PCDH15: variants seen among roughly 807,000 people sequenced by gnomAD.
PCDH15 encodes the protein protocadherin-15.
Under a neutral mutation model 178.5 loss-of-function variants are expected in PCDH15, and 129 were observed. The observed-to-expected ratio is 0.72, with a 90% confidence interval of 0.63 to 0.84. The LOEUF (loss-of-function observed/expected upper bound fraction) is 0.84, where lower values mean the gene tolerates loss of function less well. Among genes scored for constraint, PCDH15 ranks in the 40% least tolerant of loss-of-function variants. The pLI, the probability that PCDH15 is intolerant of heterozygous loss-of-function variation, is 0.00. For missense variants in PCDH15, 2,230 were observed against 2,099.9 expected (o/e 1.06, Z -1.21); for synonymous variants, 800 against 732.0 (o/e 1.09, Z -1.50).
At chr10:54,257,049 T>TTAGATAGATAGATAGA (rs10569518) in intron 8 of PCDH15, among the ~76,000 whole-genome samples, 4 of 149,396 alleles carry the variant, frequency 2.7e-5, no homozygotes, top group East Asian at 2.0e-4. Flanking sequence ...TCTCGATAGA[T>TTAGATAGATAGATAGA]TAGATAGATA....
chr10:55,592,906 AATAAC>A (rs1423704680), intron 2 of PCDH15, among the ~76,000 whole-genome samples: 1 of 152,112 alleles, frequency 6.6e-6, no homozygotes, highest in African/African-American at 2.4e-5. Context: ...AGACCATTAT[AATAAC>A]AGAACATTTT....
At position 55,543,343 on chromosome 10, in the gene PCDH15, A is replaced by T. The variant is rs1287945635; in HGVS notation, c.-156+84282T>A. On this transcript the variant is annotated intron_variant, in intron 2 of 5. Transcript: ENST00000613346. ...ATGTTCCCACTTTTTCTACCTTAGA[A>T]TTTTGTCTCATATTTAAATACTACA... Among the ~76,000 whole-genome samples, 16 of 148,684 alleles carry T rather than the reference A, an allele frequency of 1.1e-4. No homozygotes were observed. In the Admixed American group the frequency reaches 1.1e-3, roughly 10 times the overall value.
intron 2 of PCDH15, among the ~76,000 whole-genome samples, chr10:55,024,052 T>C (rs1263618506): frequency 1.8e-5 from 2 of 114,056 alleles, no homozygotes; most frequent in Non-Finnish European, 3.5e-5. Flanking sequence ...CTGATACAGA[T>C]GTATATCTGT....
chr10:54,217,698 C>T (rs1357125431), intron 9 of PCDH15, among the ~76,000 whole-genome samples: 1 of 151,956 alleles, frequency 6.6e-6, no homozygotes, highest in African/African-American at 2.4e-5. Flanking sequence ...ATATAATGGC[C>T]AATATAGAAG....
At chr10:54,283,973 A>G (rs528682277) in intron 8 of PCDH15, among the ~76,000 whole-genome samples, 1 of 152,256 alleles carries the variant, frequency 6.6e-6, no homozygotes, top group Admixed American at 6.5e-5. Context: ...CTAAGACTAC[A>G]GGTGCATGCC....
chr10:54,547,220 A>G lies in PCDH15; in HGVS notation c.92-19343T>C, dbSNP rs372398339. Among the ~76,000 whole-genome samples the G allele has an allele frequency of 7.2e-5, 11 of 152,318 alleles. No individual in the cohort carries two copies. In the East Asian group the frequency reaches 7.7e-4, roughly 11 times the overall value. ...TACAATAAAATAGATGAAGTTTAAT[A>G]TGACATTTAACCCTATTGCTTCTCA... On this transcript the variant is annotated intron_variant, in intron 2 of 37. Transcript: ENST00000644397.
chr10:55,210,914 C>T (rs1314991861), intron 1 of PCDH15, among the ~76,000 whole-genome samples: 1 of 151,984 alleles, frequency 6.6e-6, no homozygotes, highest in Non-Finnish European at 1.5e-5. Context: ...GCGTGAACCA[C>T]CGTGTCCGGT....
intron 19 of PCDH15, 88 bp from the exon 20 acceptor site, chr10:54,020,504 G>T: frequency 1.6e-6 from 2 of 1,243,922 alleles, no homozygotes; most frequent in Non-Finnish European, 1.2e-6. Flanking sequence ...TAGTGCCTAG[G>T]ACAGCATCAA....
chr10:53,906,567 C>G (rs1033124646), intron 25 of PCDH15, among the ~76,000 whole-genome samples: 2 of 152,002 alleles, frequency 1.3e-5, no homozygotes, highest in African/African-American at 4.8e-5. Flanking sequence ...AATTTGTTAG[C>G]TTTCTTTGAT....
intron 25 of PCDH15, among the ~76,000 whole-genome samples, chr10:53,923,830 T>C (rs1490184076): frequency 2.0e-5 from 3 of 152,262 alleles, no homozygotes; most frequent in Non-Finnish European, 4.4e-5. Context: ...ACTCATTTTT[T>C]CCACTGGTCT....
intron 13 of PCDH15, among the ~76,000 whole-genome samples, chr10:54,179,585 T>A (rs894712532): frequency 1.3e-5 from 2 of 151,674 alleles, no homozygotes; most frequent in African/African-American, 2.4e-5. Flanking sequence ...TAAAATAAAA[T>A]TTAAAAAAAA....
At chr10:54,571,863 T>C (rs1350123460) in intron 2 of PCDH15, among the ~76,000 whole-genome samples, 2 of 152,118 alleles carry the variant, frequency 1.3e-5, no homozygotes, top group African/African-American at 4.8e-5. Flanking sequence ...ACATCAAAAA[T>C]TGTGAAAATT....
At chr10:55,469,483 G>A (rs1262538932) in intron 2 of PCDH15, among the ~76,000 whole-genome samples, 3 of 151,916 alleles carry the variant, frequency 2.0e-5, no homozygotes, top group Non-Finnish European at 4.4e-5. Context: ...TCCCTTGCCA[G>A]TATGTTAGAA....
chr10:54,958,389 T>G (rs1468738194), intron 2 of PCDH15, among the ~76,000 whole-genome samples: 5 of 151,766 alleles, frequency 3.3e-5, no homozygotes. Context: ...AAACATAACC[T>G]AATAAAACAA....
intron 3 of PCDH15, among the ~76,000 whole-genome samples, chr10:54,860,760 C>T (rs1953824262): frequency 6.6e-6 from 1 of 152,100 alleles, no homozygotes; most frequent in Non-Finnish European, 1.5e-5. Context: ...AATTTTTATT[C>T]ACACAAACTC....
chr10:54,089,344 T>C (rs1047404502), intron 16 of PCDH15, among the ~76,000 whole-genome samples: 1 of 152,228 alleles, frequency 6.6e-6, no homozygotes, highest in African/African-American at 2.4e-5. Flanking sequence ...CCAAGCTCTT[T>C]AGAAACCAGC....
At chr10:55,027,824 A>C (rs1840513514) in intron 2 of PCDH15, among the ~76,000 whole-genome samples, 1 of 151,848 alleles carries the variant, frequency 6.6e-6, no homozygotes, top group Admixed American at 6.6e-5. Context: ...AGGTAGTATA[A>C]TTTTTTTGTC....
intron 2 of PCDH15, among the ~76,000 whole-genome samples, chr10:55,382,287 T>C (rs1336818535): frequency 1.3e-5 from 2 of 152,200 alleles, no homozygotes; most frequent in East Asian, 1.9e-4. Flanking sequence ...GCTGCGATCA[T>C]GTTATATTGC....
chr10:54,954,788 G>T (rs1288164685), intron 2 of PCDH15, among the ~76,000 whole-genome samples: 1 of 151,076 alleles, frequency 6.6e-6, no homozygotes, highest in African/African-American at 2.4e-5. Flanking sequence ...AAAGTTTGTT[G>T]GGACTATAAA....
Sources: gnomAD v4.1 joint callset for allele counts (sites outside exome capture counted in the v4.1 genomes callset) on GRCh38, gnomAD v4.1.1 for gene constraint, MANE v1.5 for transcripts, NCBI Gene and HGNC (gene_info 2026-07-23, HGNC 2026-07-21) for gene names.